Variants in RAPGEF6 observed in about 807,000 individuals in gnomAD.
RAPGEF6 encodes the protein PDZ domain containing guanine nucleotide exchange factor (GEF) 2.
Under a neutral mutation model 171.4 loss-of-function variants are expected in RAPGEF6, and 56 were observed. The observed-to-expected ratio is 0.33, with a 90% CI of 0.26 to 0.41. RAPGEF6 has a LOEUF of 0.41. Ranked by LOEUF, RAPGEF6 falls within the 10% of genes least tolerant of loss-of-function variation. RAPGEF6 has a pLI of 1.00. For synonymous variants in RAPGEF6, 692 were observed against 650.1 expected (o/e 1.06, Z -0.98); for missense variants, 1,674 against 1,921.4 (o/e 0.87, Z 2.41).
At chr5:131,479,484 C>G (rs1755324922) in intron 16 of RAPGEF6, 29 bp downstream of exon 16, 1 of 1,606,036 alleles carries the variant, frequency 6.2e-7, no homozygotes, top group Admixed American at 1.7e-5. Context: ...GATGAAAATT[C>G]CTGCATAGCT....
chr5:131,606,312 C>T (rs1046923923), intron 1 of RAPGEF6, among the ~76,000 whole-genome samples: 1 of 148,306 alleles, frequency 6.7e-6, no homozygotes, highest in Admixed American at 6.8e-5. Flanking sequence ...TGCAGTGAGC[C>T]GAGATCGCAC....
At chr5:131,509,276 G>A (rs1757561628) in intron 8 of RAPGEF6, among the ~76,000 whole-genome samples, 1 of 152,112 alleles carries the variant, frequency 6.6e-6, no homozygotes. Flanking sequence ...AGGCGTGGTG[G>A]CTCACACCTG....
chr5:131,448,628 A>G (rs923938902), intron 21 of RAPGEF6, among the ~76,000 whole-genome samples: 1 of 152,228 alleles, frequency 6.6e-6, no homozygotes, highest in African/African-American at 2.4e-5. Context: ...TAGGAGACAC[A>G]AAATTCTAAC....
intron 1 of RAPGEF6, among the ~76,000 whole-genome samples, chr5:131,621,422 T>G (rs1765586011): frequency 6.6e-6 from 1 of 152,072 alleles, no homozygotes; most frequent in South Asian, 2.1e-4. Flanking sequence ...CCTGAGTAGC[T>G]GGCATGCACC....
rs189877843 is a variant in RAPGEF6 at position 131,495,090 on chromosome 5, T to A, written c.1527+463A>T. Among the ~76,000 whole-genome samples, 510 of 152,184 alleles carry A rather than the reference T, an allele frequency of 3.4e-3. 2 individuals are homozygous for A. The highest frequency in any genetic ancestry group is 0.011 in the African/African-American group (468 of 41,526). On this transcript the variant is annotated intron_variant, in intron 13 of 27. Coordinates refer to ENST00000509018, the MANE Select transcript of RAPGEF6 (RefSeq NM_016340.6). ...CGGGCGGATCACGAGGTCAGGAGTT[T>A]GAGACCAGCCTGGGCAATCTGGTGA...
chr5:131,453,582 T>A (rs1320994486), intron 20 of RAPGEF6, among the ~76,000 whole-genome samples: 1 of 151,886 alleles, frequency 6.6e-6, no homozygotes, highest in Admixed American at 6.6e-5. Context: ...CAGAGTGAGA[T>A]CTCAACTCAA....
intron 6 of RAPGEF6, among the ~76,000 whole-genome samples, chr5:131,532,478 A>G (rs1340464514): frequency 6.6e-6 from 1 of 152,194 alleles, no homozygotes; most frequent in Non-Finnish European, 1.5e-5. Flanking sequence ...GTATCAGTCA[A>G]AGCAAATCAG....
chr5:131,574,476 G>A (rs12110164), intron 4 of RAPGEF6, among the ~76,000 whole-genome samples: 5,220 of 151,968 alleles, frequency 0.034, 317 homozygotes, highest in African/African-American at 0.12. Flanking sequence ...TCTTTTCAAG[G>A]GCCTGTTTTC....
At chr5:131,599,936 T>C (rs182374698) in intron 3 of RAPGEF6, among the ~76,000 whole-genome samples, 125 of 152,284 alleles carry the variant, frequency 8.2e-4, no homozygotes, top group Non-Finnish European at 1.4e-3. Flanking sequence ...CAGTAAAAAG[T>C]TCATGGATAA....
chr5:131,515,273 T>A (rs1757998933), intron 7 of RAPGEF6, among the ~76,000 whole-genome samples: 1 of 152,212 alleles, frequency 6.6e-6, no homozygotes, highest in East Asian at 1.9e-4. Context: ...GACCATTTAG[T>A]TCTTAGGTCT....
chr5:131,488,206 T>C (rs1756051677), intron 15 of RAPGEF6, among the ~76,000 whole-genome samples: 1 of 152,192 alleles, frequency 6.6e-6, no homozygotes, highest in Non-Finnish European at 1.5e-5. Context: ...ATGGCTTCTG[T>C]CTTTTGCATC....
chr5:131,633,697 C>G (rs1766456506), intron 1 of RAPGEF6, among the ~76,000 whole-genome samples: 1 of 152,168 alleles, frequency 6.6e-6, no homozygotes, highest in Non-Finnish European at 1.5e-5. Flanking sequence ...CGCCATTGCA[C>G]TCCAGCCTGG....
chr5:131,514,798 C>T (rs1022844896), intron 7 of RAPGEF6, among the ~76,000 whole-genome samples: 33 of 152,244 alleles, frequency 2.2e-4, no homozygotes, highest in Admixed American at 6.5e-4. Flanking sequence ...GGTCAAAAGA[C>T]ACTCCGTATT....
chr5:131,517,792 C>CACACAA (rs1476142143), intron 7 of RAPGEF6, among the ~76,000 whole-genome samples: 1 of 135,362 alleles, frequency 7.4e-6, no homozygotes, highest in Admixed American at 7.0e-5. Flanking sequence ...CACACACACA[C>CACACAA]ACACACACAC....
chr5:131,426,997 G>T lies in RAPGEF6; in HGVS notation c.*269C>A. The T allele has an allele frequency of 2.2e-6, 1 of 459,896 alleles. No individual in the cohort carries two copies. The highest frequency in any genetic ancestry group is 2.0e-5 in the African/African-American group (1 of 49,166). The allele number at this position is 459,896 out of a possible 1,614,324, so 28.5% of individuals were successfully genotyped here. ...ATCACTCTGAGTTTACATTTTTTCT[G>T]TAACTGTGGTCCCAAGGCAGTTCCG... On this transcript the variant is annotated 3_prime_UTR_variant, in exon 28 of 28. Transcript: ENST00000509018.
Position 131,510,386 on chromosome 5 carries a change from G to C in RAPGEF6, c.733C>G (p.Pro245Ala). 6.2e-7 allele frequency: 1 copy of C among 1,614,058 alleles called. No individual in the cohort carries two copies. The highest frequency in any genetic ancestry group is 1.1e-5 in the South Asian group (1 of 91,076). The stretch of plus-strand genomic sequence containing the variant: ...CGAACAAGATCTCGCCCCTGCAATG[G>C]ATCTGTTCGATCAATCTCTTCATCT... ...EEDEEIDRTDPLQGRDLVREC... is the reference protein window; with the variant it reads ...EEDEEIDRTDALQGRDLVREC... Residue 245 changes from proline to alanine, a missense_variant, in exon 8 of 28, where the codon CCA (proline) becomes GCA (alanine). This residue lies in a region of RAPGEF6 where 1,116 missense variants were observed against 1,321.5 expected (regional missense o/e 0.84). Transcript: ENST00000509018.
intron 25 of RAPGEF6, 144 bp from the exon 26 acceptor site, chr5:131,431,493 A>G (rs1751706350): frequency 2.4e-6 from 2 of 817,892 alleles, no homozygotes; most frequent in East Asian, 5.3e-5. Context: ...AAACAATATT[A>G]TCATCATTCA....
Position 131,605,335 on chromosome 5 carries a change from G to A in RAPGEF6, c.70-642C>T, listed in dbSNP as rs551722403. On this transcript the variant is annotated intron_variant, in intron 1 of 27. Coordinates refer to ENST00000509018, the MANE Select transcript of RAPGEF6 (RefSeq NM_016340.6). ...CAGAAGAAAGTGGAAAGAGTCTATA[G>A]ATCCCTAACAGCAAATAGTATTGTA... Among the ~76,000 whole-genome samples the A allele has an allele frequency of 2.4e-4, 36 of 152,220 alleles. No individual in the cohort carries two copies. The South Asian group carries it at 6.8e-3, about 29-fold the overall frequency.
chr5:131,540,795 A>G (rs1022288639), intron 6 of RAPGEF6, among the ~76,000 whole-genome samples: 1 of 152,244 alleles, frequency 6.6e-6, no homozygotes, highest in African/African-American at 2.4e-5. Context: ...GACCTTGGTG[A>G]AACCAAGATG....
Sources: allele counts gnomAD v4.1 joint callset (sites outside exome capture counted in the v4.1 genomes callset), GRCh38; gene constraint gnomAD v4.1.1; regional missense constraint gnomAD v4.1.1; transcripts MANE v1.5; gene names NCBI Gene and HGNC (gene_info 2026-07-23, HGNC 2026-07-21).